Variants in SPRYD3 observed in about 807,000 individuals in gnomAD.
SPRYD3 encodes SPRY domain containing 3.
A neutral mutation model predicts 50.1 loss-of-function variants in SPRYD3; 17 were observed. The ratio of observed to expected loss-of-function variants is 0.34; its 90% CI spans 0.23 to 0.51. The LOEUF (loss-of-function observed/expected upper bound fraction) is 0.51, where lower values mean the gene tolerates loss of function less well. SPRYD3 is among the 20% of genes least tolerant of loss of function. SPRYD3 has a pLI of 0.97. For missense variants in SPRYD3, 401 were observed against 591.2 expected (o/e 0.68, Z 3.34); for synonymous variants, 198 against 215.5 (o/e 0.92, Z 0.71).
At position 53,074,683 on chromosome 12, in the gene SPRYD3, G is replaced by T; in HGVS notation, c.473C>A (p.Thr158Asn). The T allele has an allele frequency of 6.2e-7, 1 of 1,614,276 alleles. No homozygotes were observed. The highest frequency in any genetic ancestry group is 8.5e-7 in the Non-Finnish European group (1 of 1,180,050). Reference sequence around the variant, plus strand: ...ATTTTTGGTGAAGAAGATCTGGGCGGTCTGCACATCAAAGGACACAGGCTC... The same window carrying T: ...ATTTTTGGTGAAGAAGATCTGGGCGTTCTGCACATCAAAGGACACAGGCTC... ...GIEPVSFDVQ[T>N]AQIFFTKNGK... is the part of the protein sequence containing the mutation. Residue 158 changes from threonine (T) to asparagine (N), a missense_variant, in exon 5 of 11, where the codon ACC becomes AAC. Thr to Asn is a moderately conservative substitution (Grantham distance 65). Transcript: ENST00000301463. This position sits in a 1 kb window ranked among gnomAD's most constrained non-coding sequence, Gnocchi z 4.6.
intron 1 of SPRYD3, among the ~76,000 whole-genome samples, chr12:53,078,568 C>G (rs1217668195): frequency 6.6e-6 from 1 of 151,552 alleles, no homozygotes; most frequent in Non-Finnish European, 1.5e-5. Context: ...ACAAGAGGAT[C>G]AAGAACAGAT....
intron 3 of SPRYD3, among the ~76,000 whole-genome samples, 199 bp downstream of exon 3, chr12:53,075,537 G>C (rs1049077676): frequency 2.6e-5 from 4 of 152,142 alleles, no homozygotes; most frequent in African/African-American, 9.7e-5. Flanking sequence ...GAGCAGAAGG[G>C]ACAGGGTGAC....
At position 53,075,159 on chromosome 12, in the gene SPRYD3, A is replaced by G; in HGVS notation, c.307T>C (p.Tyr103His). The G allele has an allele frequency of 1.2e-6, 2 of 1,613,852 alleles. No individual in the cohort carries two copies. Among genetic ancestry groups the G allele is most frequent in the Non-Finnish European group, 1.7e-6 (2 of 1,179,740 alleles). ...TIAVGLVPQYYSLDHQPGWLP... is the reference protein window; with the variant it reads ...TIAVGLVPQYHSLDHQPGWLP... ...CAGCCAGGCTGGTGATCCAAGCTGT[A>G]GTACTGAGGGACCAGCCCCACAGCA... is the stretch of plus-strand genomic sequence containing the variant. The change falls in exon 4 of 11, where the codon TAC becomes CAC. Residue 103 changes from tyrosine (Y) to histidine (H), a missense_variant. Coordinates refer to ENST00000301463, the MANE Select transcript of SPRYD3 (RefSeq NM_032840.3).
In SPRYD3 at chr12:53,066,356, A is replaced by ATCCTCTTCCTCT; in HGVS notation, c.1140_1151dup (p.Glu380_Glu383dup). The ATCCTCTTCCTCT allele has an allele frequency of 1.2e-6, 2 of 1,613,348 alleles. No individual in the cohort carries two copies. The highest frequency in any genetic ancestry group is 1.7e-6 in the Non-Finnish European group (2 of 1,179,522). On this transcript the variant is annotated inframe_insertion, in exon 10 of 11. Transcript: ENST00000301463. ...CATGCTCCGGCTCTATCTCTTCCCC[A>ATCCTCTTCCTCT]TCCTCTTCCTCTTCCTCTTCCTCCT...
chr12:53,074,880 C>T lies in SPRYD3; in HGVS notation c.372-96G>A, dbSNP rs1944577444. ...AGGCCTCATCCTCATCTTGCTGCTC[C>T]TGGTCATTCTGTGATGGTACCCACT... On this transcript the variant is annotated intron_variant, in intron 4 of 10. Transcript: ENST00000301463. The surrounding 1 kb of genome is among the most constrained non-coding windows in gnomAD (Gnocchi z 4.6). The T allele has an allele frequency of 6.7e-7, 1 of 1,498,550 alleles. No individual in the cohort carries two copies. 92.8% of individuals were successfully genotyped at this position (1,498,550 alleles called of 1,614,324 possible). A position where few individuals can be genotyped will look rare whatever the true frequency, so the allele number is the denominator to read the frequency against.
rs572955533 is a variant in SPRYD3, at chr12:53,066,241, C to T, written c.1194+73G>A. Reference sequence around the variant, plus strand: ...GTCTTTCCCACCCTGGTTGTGAGTTCTGTTCCCCACTAATACCCACCCTTT... The same window carrying T: ...GTCTTTCCCACCCTGGTTGTGAGTTTTGTTCCCCACTAATACCCACCCTTT... On this transcript the variant is annotated intron_variant, in intron 10 of 10. Transcript: ENST00000301463. The T allele has an allele frequency of 6.8e-4, 1,063 of 1,564,186 alleles. 3 individuals are homozygous for T. Among genetic ancestry groups the T allele is most frequent in the Non-Finnish European group, 7.4e-4 (857 of 1,152,226 alleles).
At chr12:53,066,755 G>A in intron 8 of SPRYD3, 63 bp from the exon 9 acceptor site, 1 of 1,544,604 alleles carries the variant, frequency 6.5e-7, no homozygotes, top group Non-Finnish European at 8.7e-7. Flanking sequence ...CACCCCCAGA[G>A]TGGCTCATGA....
intron 5 of SPRYD3, among the ~76,000 whole-genome samples, chr12:53,073,802 C>T (rs1268633137): frequency 2.7e-5 from 4 of 150,714 alleles, no homozygotes; most frequent in Non-Finnish European, 5.9e-5. Flanking sequence ...CGAGATGGTG[C>T]CACTGCACTC....
Position 53,068,215 on chromosome 12 carries a change from G to A in SPRYD3, c.783C>T (p.Phe261=), listed in dbSNP as rs751706201. The part of the protein sequence containing the change: ...RHPLSTRSHY[F]EVEIVDPGEK... ...CTCCAGGGTCCACGATCTCCACCTC[G>A]AAGTAGTGGCTGCGGGTGCTGAGTG... The change falls in exon 7 of 11, where the codon TTC becomes TTT. Residue 261 remains phenylalanine (F), a synonymous_variant. Transcript: ENST00000301463. The A allele has an allele frequency of 2.2e-5, 35 of 1,614,096 alleles. No homozygotes were observed. Among genetic ancestry groups the A allele is most frequent in the Admixed American group, 1.3e-4 (8 of 60,010 alleles).
intron 6 of SPRYD3, 27 bp downstream of exon 6, chr12:53,073,259 C>CCGGGGGGGGG: frequency 5.2e-5 from 21 of 400,920 alleles, no homozygotes; most frequent in Middle Eastern, 4.1e-4. Context: ...CGACCCAGCC[C>CCGGGGGGGGG]CTCCCACCCT....
At chr12:53,070,980 G>T (rs1944545355) in intron 6 of SPRYD3, among the ~76,000 whole-genome samples, 1 of 152,196 alleles carries the variant, frequency 6.6e-6, no homozygotes, top group South Asian at 2.1e-4. Context: ...CAGAGTGGCG[G>T]CTGCAGACCA....
rs1944577266 is a variant in SPRYD3 at position 53,074,859 on chromosome 12, C to T, written c.372-75G>A. ...TCTCCCCAGCACTGACAGCAGAGGCCTCATCCTCATCTTGCTGCTCCTGGT... is the reference window on the plus strand; with the variant it reads ...TCTCCCCAGCACTGACAGCAGAGGCTTCATCCTCATCTTGCTGCTCCTGGT... On this transcript the variant is annotated intron_variant, in intron 4 of 10. Coordinates refer to ENST00000301463, the MANE Select transcript of SPRYD3 (RefSeq NM_032840.3). This position sits in a 1 kb window ranked among gnomAD's most constrained non-coding sequence, Gnocchi z 4.6. The T allele has an allele frequency of 3.9e-6, 6 of 1,551,606 alleles. No individual in the cohort carries two copies. Among genetic ancestry groups the T allele is most frequent in the Non-Finnish European group, 5.3e-6 (6 of 1,130,500 alleles).
rs897341521 is a variant in SPRYD3, at chr12:53,065,583, A to G, written c.*249T>C. The stretch of plus-strand genomic sequence containing the variant: ...CCAAAGCGAGTGGGACCACCCACAT[A>G]CCAACACCATTCTTTGGGTCCATTC... On this transcript the variant is annotated 3_prime_UTR_variant, in exon 11 of 11. Coordinates refer to ENST00000301463, the MANE Select transcript of SPRYD3 (RefSeq NM_032840.3). 19 of 483,314 alleles carry G rather than the reference A, an allele frequency of 3.9e-5. No individual in the cohort carries two copies. In the East Asian group the frequency reaches 5.5e-4, roughly 14 times the overall value. The allele number at this position is 483,314 out of a possible 1,614,324, so 29.9% of individuals were successfully genotyped here.
chr12:53,078,186 A>C (rs766764434), intron 1 of SPRYD3: 178 of 411,608 alleles, frequency 4.3e-4, no homozygotes, highest in Non-Finnish European at 7.8e-4. Context: ...CTCAAAAAAA[A>C]AAGAAAAAAA....
Position 53,065,717 on chromosome 12 carries a change from G to T in SPRYD3, c.*115C>A. The T allele has an allele frequency of 9.0e-7, 1 of 1,112,570 alleles. No individual in the cohort carries two copies. Among genetic ancestry groups the T allele is most frequent in the Non-Finnish European group, 1.3e-6 (1 of 764,196 alleles). The allele number at this position is 1,112,570 out of a possible 1,614,324, so 68.9% of individuals were successfully genotyped here. On this transcript the variant is annotated 3_prime_UTR_variant, in exon 11 of 11. Transcript: ENST00000301463. ...GGGCCTGAGCCAGTGGGGGCAGAGTGACTACACACCTCCAGGGGCCTGCTG... is the reference window on the plus strand; with the variant it reads ...GGGCCTGAGCCAGTGGGGGCAGAGTTACTACACACCTCCAGGGGCCTGCTG...
At chr12:53,069,652 C>T (rs1213943559) in intron 6 of SPRYD3, among the ~76,000 whole-genome samples, 2 of 152,210 alleles carry the variant, frequency 1.3e-5, no homozygotes, top group Non-Finnish European at 2.9e-5. Context: ...GGGAAAGCAG[C>T]ATGCACGGGA....
chr12:53,069,338 C>A (rs937391614), intron 6 of SPRYD3, among the ~76,000 whole-genome samples: 1 of 152,178 alleles, frequency 6.6e-6, no homozygotes, highest in Non-Finnish European at 1.5e-5. Context: ...TCCACGTCTC[C>A]CTGGCAAGCT....
intron 8 of SPRYD3, among the ~76,000 whole-genome samples, chr12:53,067,146 T>C (rs2121196548): frequency 6.9e-6 from 1 of 144,736 alleles, no homozygotes; most frequent in South Asian, 2.2e-4. Flanking sequence ...GCGAGATATA[T>C]GGGAAGGGGG....
In SPRYD3 at chr12:53,079,382, CA is replaced by C. The variant is rs773258911; in HGVS notation, c.-50del. ...ACAAGCTCTTCGGCCGCCGCCACCA[CA>C]CACATCCGGGTCCCCGCCTTTCCTT... On this transcript the variant is annotated 5_prime_UTR_variant, in exon 1 of 11. Transcript: ENST00000301463. 6.3e-7 allele frequency: 1 copy of C among 1,588,370 alleles called. No homozygotes were observed.
Sources: allele counts gnomAD v4.1 joint callset (sites outside exome capture counted in the v4.1 genomes callset), GRCh38; gene constraint gnomAD v4.1.1; non-coding constraint Gnocchi (gnomAD v3.1); transcripts MANE v1.5; gene names NCBI Gene and HGNC (gene_info 2026-07-23, HGNC 2026-07-21).